Variants in GPC5 observed in about 807,000 individuals in gnomAD.
GPC5 encodes glypican-5.
In GPC5, 47 loss-of-function variants were observed where a neutral mutation model predicts 53.9. That is an observed-to-expected ratio of 0.87 (90% CI 0.69 to 1.11). GPC5 has a LOEUF of 1.11. Ranked by LOEUF, GPC5 falls within the 50% of genes most tolerant of loss-of-function variation. GPC5 has a pLI of 0.00. For synonymous variants in GPC5, 286 were observed against 263.3 expected (o/e 1.09, Z -0.84); for missense variants, 748 against 713.1 (o/e 1.05, Z -0.56).
chr13:91,870,646 G>A (rs367849637), intron 5 of GPC5, among the ~76,000 whole-genome samples: 4 of 152,030 alleles, frequency 2.6e-5, no homozygotes, highest in African/African-American at 7.3e-5. Flanking sequence ...CGCTATAGAC[G>A]CATATTCTGG....
At chr13:92,741,344 C>G (rs1249927855) in intron 7 of GPC5, among the ~76,000 whole-genome samples, 1 of 151,818 alleles carries the variant, frequency 6.6e-6, no homozygotes, top group Non-Finnish European at 1.5e-5. Flanking sequence ...TTAATGTATT[C>G]AGGCAGACCC....
chr13:92,552,156 A>G (rs964770706), intron 7 of GPC5, among the ~76,000 whole-genome samples: 1 of 151,906 alleles, frequency 6.6e-6, no homozygotes, highest in East Asian at 1.9e-4. Flanking sequence ...AATTTAAAGT[A>G]AGTGTGAAGA....
chr13:92,809,961 A>G (rs1379900027), intron 7 of GPC5, among the ~76,000 whole-genome samples: 1 of 152,036 alleles, frequency 6.6e-6, no homozygotes, highest in Non-Finnish European at 1.5e-5. Context: ...AATTTCCCCT[A>G]TATACTATAT....
At chr13:91,963,985 T>C (rs529199807) in intron 6 of GPC5, among the ~76,000 whole-genome samples, 42 of 152,154 alleles carry the variant, frequency 2.8e-4, no homozygotes, top group Non-Finnish European at 5.4e-4. Context: ...AAATTAGAAA[T>C]ACCATTTTGT....
chr13:91,506,328 G>T lies in GPC5; in HGVS notation c.325+57406G>T, dbSNP rs553003169. 1.5e-4 allele frequency among the ~76,000 whole-genome samples: 23 copies of T among 152,182 alleles called. 1 individual carries two copies. The South Asian group carries it at 4.3e-3, about 29-fold the overall frequency. ...AAAAATACAGTATCACAATGCTTTT[G>T]TTATGCCTTCAGTTTCATCGCCTTT... On this transcript the variant is annotated intron_variant, in intron 2 of 7. Transcript: ENST00000377067.
intron 7 of GPC5, among the ~76,000 whole-genome samples, chr13:92,511,446 T>C (rs1880561595): frequency 1.3e-5 from 2 of 152,208 alleles, no homozygotes; most frequent in African/African-American, 4.8e-5. Context: ...ATACTTGTAA[T>C]TACTTTATGT....
At chr13:92,231,828 T>G (rs554760917) in intron 7 of GPC5, among the ~76,000 whole-genome samples, 1 of 151,666 alleles carries the variant, frequency 6.6e-6, no homozygotes, top group East Asian at 2.0e-4. Context: ...TAGCTGGGCG[T>G]GGTGATGGGC....
At chr13:91,646,649 C>A (rs193209270) in intron 2 of GPC5, among the ~76,000 whole-genome samples, 94 of 152,188 alleles carry the variant, frequency 6.2e-4, no homozygotes, top group Middle Eastern at 3.4e-3. Flanking sequence ...GCCCAGCAAG[C>A]AGGTAGGTAA....
chr13:92,542,661 G>A (rs1363491078), intron 7 of GPC5, among the ~76,000 whole-genome samples: 2 of 151,926 alleles, frequency 1.3e-5, no homozygotes, highest in Admixed American at 6.6e-5. Context: ...CGCGTTTCTT[G>A]TACGGCAAAC....
At chr13:91,527,804 G>T (rs1023147004) in intron 2 of GPC5, among the ~76,000 whole-genome samples, 2 of 152,188 alleles carry the variant, frequency 1.3e-5, no homozygotes, top group African/African-American at 4.8e-5. Context: ...CACACCCACT[G>T]GCCCAGCACC....
intron 7 of GPC5, among the ~76,000 whole-genome samples, chr13:92,613,162 GA>G (rs1000351138): frequency 6.9e-5 from 10 of 144,300 alleles, no homozygotes; most frequent in Admixed American, 2.2e-4. Context: ...CAATGATAAG[GA>G]AAAAAATAAT....
intron 2 of GPC5, among the ~76,000 whole-genome samples, chr13:91,538,829 C>T (rs1230900195): frequency 5.4e-5 from 8 of 148,798 alleles, no homozygotes; most frequent in Non-Finnish European, 1.0e-4. Context: ...TGGTCCACCC[C>T]GCCCCCCCCT....
chr13:91,878,726 G>GCTT (rs1010178277), intron 5 of GPC5, among the ~76,000 whole-genome samples: 9 of 152,070 alleles, frequency 5.9e-5, no homozygotes, highest in African/African-American at 1.7e-4. Context: ...GGACATGTTT[G>GCTT]CTTCCCCTTT....
At chr13:91,521,833 G>A (rs1885832616) in intron 2 of GPC5, among the ~76,000 whole-genome samples, 1 of 152,194 alleles carries the variant, frequency 6.6e-6, no homozygotes, top group Non-Finnish European at 1.5e-5. Flanking sequence ...TCAGATGCCA[G>A]TTAAAAGCTC....
intron 5 of GPC5, among the ~76,000 whole-genome samples, chr13:91,828,044 TAGCA>T (rs1474224836): frequency 6.6e-6 from 1 of 152,058 alleles, no homozygotes; most frequent in East Asian, 1.9e-4. Flanking sequence ...CATGGCTGAA[TAGCA>T]AAAGCATTAT....
intron 5 of GPC5, among the ~76,000 whole-genome samples, chr13:91,777,011 C>T (rs1330037605): frequency 6.6e-6 from 1 of 152,154 alleles, no homozygotes; most frequent in Non-Finnish European, 1.5e-5. Flanking sequence ...CTTTTAAAGC[C>T]CTTCCTGCTA....
chr13:92,833,243 CTATA>C (rs1878111130), intron 7 of GPC5, among the ~76,000 whole-genome samples: 1 of 152,104 alleles, frequency 6.6e-6, no homozygotes, highest in Admixed American at 6.6e-5. Context: ...TTCACAGCAT[CTATA>C]TAAGTAAAAG....
At chr13:92,135,997 T>C (rs2041781242) in intron 6 of GPC5, among the ~76,000 whole-genome samples, 1 of 152,190 alleles carries the variant, frequency 6.6e-6, no homozygotes, top group Non-Finnish European at 1.5e-5. Flanking sequence ...AAAAGTTTGG[T>C]ATAAGATTTG....
chr13:92,433,653 C>T (rs1256842360), intron 7 of GPC5, among the ~76,000 whole-genome samples: 1 of 152,018 alleles, frequency 6.6e-6, no homozygotes, highest in Non-Finnish European at 1.5e-5. Flanking sequence ...ATAATACAGG[C>T]ACAGTAGTAG....
Sources: gnomAD v4.1 joint callset for allele counts (sites outside exome capture counted in the v4.1 genomes callset) on GRCh38, gnomAD v4.1.1 for gene constraint, MANE v1.5 for transcripts, NCBI Gene and HGNC (gene_info 2026-07-23, HGNC 2026-07-21) for gene names.